Variants in SKA3 observed in about 807,000 individuals in gnomAD.
SKA3 encodes spindle and kinetochore associated complex subunit 3.
A neutral mutation model predicts 44.2 loss-of-function variants in SKA3; 39 were observed. The observed-to-expected ratio is 0.88, with a 90% CI of 0.68 to 1.15. The LOEUF (loss-of-function observed/expected upper bound fraction) is 1.15, where lower values mean the gene tolerates loss of function less well. Ranked by LOEUF, SKA3 falls within the 50% of genes most tolerant of loss-of-function variation. The pLI is 0.00. For synonymous variants in SKA3, 192 were observed against 172.0 expected, an observed-to-expected ratio of 1.12 and a Z score of -0.91; for missense variants, 511 against 485.8, an observed-to-expected ratio of 1.05 and a Z score of -0.49.
intron 7 of SKA3, among the ~76,000 whole-genome samples, chr13:21,157,700 A>C (rs754685779): frequency 1.3e-5 from 2 of 152,208 alleles, no homozygotes; most frequent in Admixed American, 6.5e-5. Context: ...TGACTTTGCC[A>C]GCAACACTTC....
At chr13:21,155,205 A>G in intron 8 of SKA3, 55 bp from the exon 9 acceptor site, 1 of 1,255,524 alleles carries the variant, frequency 8.0e-7, no homozygotes, top group Non-Finnish European at 1.1e-6. Context: ...AGCCATTAAG[A>G]CAAATGACAC....
chr13:21,172,832 TTACCGTACC>T (rs1280596392), intron 1 of SKA3, 151 bp from the exon 2 acceptor site: 415 of 340,478 alleles, frequency 1.2e-3, no homozygotes, highest in Middle Eastern at 3.9e-3. Context: ...ACCATATTTT[TTACCGTACC>T]TTTTTTATGT....
At chr13:21,176,215 C>A in intron 1 of SKA3, 160 bp downstream of exon 1, 2 of 587,706 alleles carry the variant, frequency 3.4e-6, no homozygotes, top group Non-Finnish European at 5.7e-6. Context: ...TAACGCCAAA[C>A]GCCGAGCAGT....
At chr13:21,162,236 A>C (rs1870479995) in intron 4 of SKA3, among the ~76,000 whole-genome samples, 1 of 152,204 alleles carries the variant, frequency 6.6e-6, no homozygotes, top group South Asian at 2.1e-4. Context: ...CCAGTTACAC[A>C]GATGTCTGTA....
intron 1 of SKA3, among the ~76,000 whole-genome samples, chr13:21,175,763 T>C (rs1369030074): frequency 6.6e-6 from 1 of 152,248 alleles, no homozygotes; most frequent in African/African-American, 2.4e-5. Flanking sequence ...TTTGCTTTAT[T>C]TATATACACA....
At chr13:21,172,968 C>CA (rs1871154868) in intron 1 of SKA3, among the ~76,000 whole-genome samples, 1 of 152,162 alleles carries the variant, frequency 6.6e-6, no homozygotes, top group African/African-American at 2.4e-5. Context: ...CCTAGGTATG[C>CA]AGTAGGTCAT....
intron 3 of SKA3, 178 bp downstream of exon 3, chr13:21,172,161 C>A: frequency 2.4e-6 from 1 of 423,094 alleles, no homozygotes; most frequent in Non-Finnish European, 4.2e-6. Context: ...TATTACACCC[C>A]TGATTAGCAC....
chr13:21,153,755 C>G lies in SKA3; in HGVS notation c.*1395G>C, dbSNP rs1283034819. On this transcript the variant is annotated 3_prime_UTR_variant, in exon 9 of 9. Coordinates refer to ENST00000314759, the MANE Select transcript of SKA3 (RefSeq NM_145061.6). The stretch of plus-strand genomic sequence containing the variant: ...AGTTGGGAGAACTCCAGGATTTGGT[C>G]CTTGGTACACTTTGAATATATTCCC... The G allele has an allele frequency of 1.3e-5, 2 of 152,270 alleles. No individual in the cohort carries two copies. The allele number at this position is 152,270 out of a possible 1,614,324, so 9.4% of individuals were successfully genotyped here.
intron 1 of SKA3, among the ~76,000 whole-genome samples, 188 bp from the exon 2 acceptor site, chr13:21,172,869 T>C (rs1194419836): frequency 6.6e-6 from 1 of 152,138 alleles, no homozygotes; most frequent in African/African-American, 2.4e-5. Context: ...CACAAATACT[T>C]ACCATAATGT....
Position 21,154,398 on chromosome 13 carries a change from C to T in SKA3, c.*752G>A, listed in dbSNP as rs1427389485. ...GGGCCCCTGGCCCAGGATGAGCCCT[C>T]AGAACCTTTTAGAGAGAGTGAAATT... On this transcript the variant is annotated 3_prime_UTR_variant, in exon 9 of 9. Coordinates refer to ENST00000314759, the MANE Select transcript of SKA3 (RefSeq NM_145061.6). 1 of 152,630 alleles carries T rather than the reference C, an allele frequency of 6.6e-6. No individual in the cohort carries two copies. Among genetic ancestry groups the T allele is most frequent in the Admixed American group, 6.5e-5 (1 of 15,286 alleles). 9.5% of individuals were successfully genotyped at this position (152,630 alleles called of 1,614,324 possible). A position where few individuals can be genotyped will look rare whatever the true frequency, so the allele number is the denominator to read the frequency against.
At chr13:21,157,889 CA>C (rs10700757) in intron 7 of SKA3, 32 bp downstream of exon 7, 12,157 of 1,203,970 alleles carry the variant, frequency 0.01, no homozygotes, top group Admixed American at 0.016. Flanking sequence ...AGAATATCAG[CA>C]AAAAAAAAAA....
intron 3 of SKA3, among the ~76,000 whole-genome samples, chr13:21,170,646 G>C (rs1396989097): frequency 6.6e-6 from 1 of 152,168 alleles, no homozygotes; most frequent in Non-Finnish European, 1.5e-5. Context: ...GAAAGTTCTT[G>C]CTACAAGAGT....
intron 4 of SKA3, among the ~76,000 whole-genome samples, chr13:21,164,538 C>G (rs779497522): frequency 5.3e-5 from 8 of 152,300 alleles, no homozygotes; most frequent in Non-Finnish European, 1.0e-4. Flanking sequence ...TTGTACTCTT[C>G]TAACAGTTAA....
chr13:21,154,892 G>C lies in SKA3; in HGVS notation c.*258C>G. 1 of 583,180 alleles carries C rather than the reference G, an allele frequency of 1.7e-6. No individual in the cohort carries two copies. Among genetic ancestry groups the C allele is most frequent in the Non-Finnish European group, 3.0e-6 (1 of 335,882 alleles). The allele number at this position is 583,180 out of a possible 1,614,324, so 36.1% of individuals were successfully genotyped here. A position where few individuals can be genotyped will look rare whatever the true frequency, so the allele number is the denominator to read the frequency against. ...CTACTTAAACCATTCTGTTGATTAA[G>C]CTGGGTAATTTAGTATCAATGAAAC... is the stretch of plus-strand genomic sequence containing the variant. On this transcript the variant is annotated 3_prime_UTR_variant, in exon 9 of 9. Coordinates refer to ENST00000314759, the MANE Select transcript of SKA3 (RefSeq NM_145061.6).
rs368709565 is a variant in SKA3 at position 21,176,522 on chromosome 13, C to G, written c.-45G>C. ...GACTCCAGGCGTACGCAGACCCCAC[C>G]GCTCAGCTCACAGCCTCCCGCCACT... On this transcript the variant is annotated 5_prime_UTR_variant, in exon 1 of 9. Transcript: ENST00000314759. 64 of 1,370,654 alleles carry G rather than the reference C, an allele frequency of 4.7e-5. No individual in the cohort carries two copies. The East Asian group carries it at 1.5e-3, about 33-fold the overall frequency. The allele number at this position is 1,370,654 out of a possible 1,614,324, so 84.9% of individuals were successfully genotyped here. A position where few individuals can be genotyped will look rare whatever the true frequency, so the allele number is the denominator to read the frequency against.
chr13:21,161,986 T>C, intron 4 of SKA3, 111 bp from the exon 5 acceptor site: 1 of 563,136 alleles, frequency 1.8e-6, no homozygotes, highest in South Asian at 3.5e-5. Flanking sequence ...CAGTTATGCT[T>C]TATGGTACAG....
chr13:21,164,556 A>G (rs1870605340), intron 4 of SKA3, among the ~76,000 whole-genome samples: 1 of 152,238 alleles, frequency 6.6e-6, no homozygotes, highest in South Asian at 2.1e-4. Context: ...TAAAACAAAT[A>G]TGCTTTGTAC....
intron 1 of SKA3, among the ~76,000 whole-genome samples, chr13:21,174,118 G>C (rs1871258721): frequency 6.6e-6 from 1 of 152,206 alleles, no homozygotes; most frequent in African/African-American, 2.4e-5. Flanking sequence ...TGGAGAAATA[G>C]GAACACTTTT....
At chr13:21,166,714 T>C (rs1008701227) in intron 4 of SKA3, among the ~76,000 whole-genome samples, 13 of 152,172 alleles carry the variant, frequency 8.5e-5, no homozygotes, top group African/African-American at 1.4e-4. Context: ...GCCTGGGGGA[T>C]AGAACAAGAC....
Sources: allele counts gnomAD v4.1 joint callset (sites outside exome capture counted in the v4.1 genomes callset), GRCh38; gene constraint gnomAD v4.1.1; transcripts MANE v1.5; gene names NCBI Gene and HGNC (gene_info 2026-07-23, HGNC 2026-07-21).